IL12RB2: variants seen among roughly 807,000 people sequenced by gnomAD.
IL12RB2 encodes the protein interleukin-12 receptor subunit beta-2.
IL12RB2 carries 82 observed loss-of-function variants against 89.4 expected under a neutral mutation model. That is an observed-to-expected ratio of 0.92 (90% CI 0.77 to 1.10). IL12RB2 has a LOEUF of 1.10. Ranked by LOEUF, IL12RB2 falls within the 50% of genes least tolerant of loss-of-function variation. The pLI is 0.00. For missense variants in IL12RB2, 963 were observed against 1,031.9 expected (o/e 0.93, Z 0.92); for synonymous variants, 368 against 370.1 (o/e 0.99, Z 0.07).
Position 67,395,796 on chromosome 1 carries a change from C to G in IL12RB2, c.2296C>G (p.Leu766Val), listed in dbSNP as rs1557487390. 2 of 1,613,972 alleles carry G rather than the reference C, an allele frequency of 1.2e-6. No homozygotes were observed. Among genetic ancestry groups the G allele is most frequent in the Non-Finnish European group, 8.5e-7 (1 of 1,179,916 alleles). The stretch of plus-strand genomic sequence containing the variant: ...AGCTGAGAGCAGACAACTGGTGGAT[C>G]TGTACAAGGTGCTGGAGAGCAGGGG... The part of the protein sequence containing the change: ...LQAESRQLVD[L>V]YKVLESRGSD... The change falls in exon 17 of 17, where the codon CTG becomes GTG. Residue 766 changes from leucine (L) to valine (V), a missense_variant. Transcript: ENST00000674203.
intron 9 of IL12RB2, among the ~76,000 whole-genome samples, chr1:67,339,649 A>G (rs1659301376): frequency 6.6e-6 from 1 of 152,196 alleles, no homozygotes; most frequent in Non-Finnish European, 1.5e-5. Context: ...AGCTGGCATT[A>G]CCATTTTATT....
chr1:67,370,639 G>A lies in IL12RB2; in HGVS notation c.1460-1797G>A, dbSNP rs79719144. On this transcript the variant is annotated intron_variant, in intron 11 of 16. Transcript: ENST00000674203. Reference sequence around the variant, plus strand: ...GTATGGGAGTGGTGGGAAATGAGTCGGAAATTGCGGCCAGACTCTAGAAAG... The same window carrying A: ...GTATGGGAGTGGTGGGAAATGAGTCAGAAATTGCGGCCAGACTCTAGAAAG... Among the ~76,000 whole-genome samples the A allele has an allele frequency of 6.2e-3, 950 of 152,200 alleles. 6 individuals are homozygous for A. The highest frequency in any genetic ancestry group is 0.021 in the African/African-American group (878 of 41,526).
chr1:67,310,031 G>A (rs147729265), intron 1 of IL12RB2, among the ~76,000 whole-genome samples: 1 of 151,644 alleles, frequency 6.6e-6, no homozygotes, highest in Non-Finnish European at 1.5e-5. Flanking sequence ...AAAAATTAGC[G>A]GGGCATGGTG....
At chr1:67,336,168 T>C (rs1658729455) in intron 8 of IL12RB2, among the ~76,000 whole-genome samples, 1 of 152,200 alleles carries the variant, frequency 6.6e-6, no homozygotes, top group Admixed American at 6.5e-5. Context: ...TGAACTGTAA[T>C]GGGAAAAGCA....
intron 14 of IL12RB2, among the ~76,000 whole-genome samples, chr1:67,383,003 T>C (rs1200289431): frequency 6.6e-6 from 1 of 152,168 alleles, no homozygotes; most frequent in African/African-American, 2.4e-5. Context: ...ACATATCCCA[T>C]GTGAATTAGT....
intron 6 of IL12RB2, among the ~76,000 whole-genome samples, chr1:67,329,348 A>G (rs1657752265): frequency 6.6e-6 from 1 of 152,222 alleles, no homozygotes; most frequent in Admixed American, 6.5e-5. Flanking sequence ...GGTAGTAGTT[A>G]TTTGGTGAAA....
intron 3 of IL12RB2, 98 bp downstream of exon 3, chr1:67,320,542 G>C (rs1656354865): frequency 6.3e-7 from 1 of 1,582,306 alleles, no homozygotes; most frequent in South Asian, 1.1e-5. Flanking sequence ...CTGGTAGTTG[G>C]TCTTTTGTAG....
chr1:67,386,541 G>T (rs1221305452), intron 14 of IL12RB2, 38 bp from the exon 15 acceptor site: 2 of 1,375,156 alleles, frequency 1.5e-6, no homozygotes, highest in Non-Finnish European at 2.1e-6. Flanking sequence ...GTTCATTGGT[G>T]ATAACTCACT....
At chr1:67,390,368 C>T (rs551631577) in intron 16 of IL12RB2, among the ~76,000 whole-genome samples, 9 of 151,984 alleles carry the variant, frequency 5.9e-5, no homozygotes, top group African/African-American at 2.2e-4. Flanking sequence ...CTTTTTATAC[C>T]TCAGTATGCC....
chr1:67,320,554 C>T (rs1257814979), intron 3 of IL12RB2, 110 bp downstream of exon 3: 1 of 1,562,428 alleles, frequency 6.4e-7, no homozygotes, highest in African/African-American at 1.4e-5. Context: ...CTTTTGTAGT[C>T]AATCTCTGTC....
chr1:67,346,378 ATTTTTTTTTTTT>A (rs10577525), intron 9 of IL12RB2, among the ~76,000 whole-genome samples: 5 of 93,836 alleles, frequency 5.3e-5, no homozygotes, highest in East Asian at 2.9e-4. Flanking sequence ...AGGGTTGTCT[ATTTTTTTTTTTT>A]TTTTTTTTTT....
At chr1:67,317,313 G>C (rs1392208616) in intron 2 of IL12RB2, among the ~76,000 whole-genome samples, 1 of 152,106 alleles carries the variant, frequency 6.6e-6, no homozygotes, top group Non-Finnish European at 1.5e-5. Flanking sequence ...GCAGATTTTG[G>C]CTTAAATCTG....
At chr1:67,312,710 C>T (rs1353760571) in intron 1 of IL12RB2, among the ~76,000 whole-genome samples, 1 of 135,704 alleles carries the variant, frequency 7.4e-6, no homozygotes, top group Non-Finnish European at 1.6e-5. Context: ...GGAGAAAACA[C>T]ATTGAATTTA....
intron 9 of IL12RB2, among the ~76,000 whole-genome samples, chr1:67,346,271 T>C (rs1292855979): frequency 6.6e-6 from 1 of 152,162 alleles, no homozygotes; most frequent in Non-Finnish European, 1.5e-5. Flanking sequence ...GTTAAGTTAT[T>C]GTTATGAGGC....
chr1:67,357,258 A>G (rs1661503582), intron 10 of IL12RB2, among the ~76,000 whole-genome samples: 1 of 152,178 alleles, frequency 6.6e-6, no homozygotes, highest in Non-Finnish European at 1.5e-5. Flanking sequence ...CACACCTGTA[A>G]TCCCAGCTAC....
chr1:67,343,983 T>C (rs1329317263), intron 9 of IL12RB2, among the ~76,000 whole-genome samples: 1 of 152,220 alleles, frequency 6.6e-6, no homozygotes, highest in Non-Finnish European at 1.5e-5. Flanking sequence ...AATCCAGTCC[T>C]CATGTCCTGG....
intron 1 of IL12RB2, among the ~76,000 whole-genome samples, chr1:67,313,402 G>T (rs1249002199): frequency 6.6e-6 from 1 of 152,104 alleles, no homozygotes; most frequent in Non-Finnish European, 1.5e-5. Context: ...CTGAAACATA[G>T]TAAGAGATCA....
intron 14 of IL12RB2, among the ~76,000 whole-genome samples, chr1:67,385,933 G>A (rs915478424): frequency 1.6e-4 from 24 of 152,078 alleles, no homozygotes; most frequent in Non-Finnish European, 2.4e-4. Flanking sequence ...AGTCCAGGCC[G>A]GGCACGGTGG....
intron 8 of IL12RB2, among the ~76,000 whole-genome samples, chr1:67,335,657 A>G (rs916362304): frequency 3.3e-5 from 5 of 151,970 alleles, no homozygotes; most frequent in African/African-American, 1.2e-4. Flanking sequence ...TCATGTGCCT[A>G]TAATAGTTTT....
Sources: allele counts gnomAD v4.1 joint callset (sites outside exome capture counted in the v4.1 genomes callset), GRCh38; gene constraint gnomAD v4.1.1; transcripts MANE v1.5; gene names NCBI Gene and HGNC (gene_info 2026-07-23, HGNC 2026-07-21).